The following PTPRD variants were observed in gnomAD, a reference collection of about 807,000 sequenced individuals.
The protein encoded by PTPRD is protein tyrosine phosphatase receptor type D.
PTPRD carries 34 observed loss-of-function variants against 214.5 expected under a neutral mutation model. The ratio of observed to expected loss-of-function variants is 0.16; its 90% CI spans 0.12 to 0.21. The LOEUF (loss-of-function observed/expected upper bound fraction) is 0.21. PTPRD is among the 10% of genes least tolerant of loss of function. The pLI is 1.00. For missense variants in PTPRD, 2,545 were observed against 2,398.7 expected (o/e 1.06, Z -1.27); for synonymous variants, 1,128 against 845.7 (o/e 1.33, Z -5.79).
intron 9 of PTPRD, among the ~76,000 whole-genome samples, chr9:9,265,374 C>G (rs1030625875): frequency 1.3e-5 from 2 of 151,502 alleles, no homozygotes; most frequent in Non-Finnish European, 3.0e-5. Context: ...TGATGCTGCC[C>G]TACTGAATAG....
rs556449091 is a variant in PTPRD at position 10,479,977 on chromosome 9, C to T, written c.-600+132421G>A. Among the ~76,000 whole-genome samples, 37 of 152,156 alleles carry T rather than the reference C, an allele frequency of 2.4e-4. No homozygotes were observed. In the South Asian group the frequency reaches 6.9e-3, roughly 28 times the overall value. The stretch of plus-strand genomic sequence containing the variant: ...TTTTTAAGAATCAAATTTTCTACCC[C>T]TAATAAAAAGGGAGAAGTCTGGAGG... On this transcript the variant is annotated intron_variant, in intron 2 of 45. Transcript: ENST00000381196.
chr9:10,015,123 T>C (rs2096675995), intron 4 of PTPRD, among the ~76,000 whole-genome samples: 1 of 152,154 alleles, frequency 6.6e-6, no homozygotes, highest in Non-Finnish European at 1.5e-5. Flanking sequence ...AATTTACTTT[T>C]ATGGCTTTCA....
chr9:8,463,335 GAT>G (rs1377654469), intron 32 of PTPRD, among the ~76,000 whole-genome samples: 3 of 87,646 alleles, frequency 3.4e-5, no homozygotes, highest in African/African-American at 1.3e-4. Context: ...AAAAAAAAAA[GAT>G]GTGTATGGTA....
chr9:9,336,994 T>A (rs1317911757), intron 9 of PTPRD, among the ~76,000 whole-genome samples: 3 of 152,148 alleles, frequency 2.0e-5, no homozygotes, highest in Non-Finnish European at 4.4e-5. Flanking sequence ...AGGGAAGACC[T>A]ATATAGGGAC....
chr9:10,069,904 A>C (rs181429866), intron 3 of PTPRD, among the ~76,000 whole-genome samples: 1 of 152,016 alleles, frequency 6.6e-6, no homozygotes, highest in Non-Finnish European at 1.5e-5. Flanking sequence ...AAGAGATCCT[A>C]TGTATTTGCT....
chr9:8,387,469 T>C (rs1201470744), intron 37 of PTPRD, among the ~76,000 whole-genome samples: 1 of 152,242 alleles, frequency 6.6e-6, no homozygotes, highest in Non-Finnish European at 1.5e-5. Flanking sequence ...AGTGTCAAGA[T>C]AAAATGTGTG....
intron 14 of PTPRD, among the ~76,000 whole-genome samples, chr9:8,543,130 TAA>T (rs1362291899): frequency 4.6e-5 from 7 of 152,164 alleles, no homozygotes; most frequent in African/African-American, 1.7e-4. Flanking sequence ...TAAATAGATA[TAA>T]GTTTCCAATG....
intron 35 of PTPRD, among the ~76,000 whole-genome samples, chr9:8,413,860 G>A (rs1306328977): frequency 3.9e-5 from 6 of 152,018 alleles, no homozygotes; most frequent in African/African-American, 7.2e-5. Flanking sequence ...ATTTTTAAAT[G>A]TATATTAGTT....
At chr9:8,383,315 G>C (rs1424535531) in intron 37 of PTPRD, among the ~76,000 whole-genome samples, 3 of 152,126 alleles carry the variant, frequency 2.0e-5, no homozygotes, top group Non-Finnish European at 4.4e-5. Flanking sequence ...ATAGGAGGAG[G>C]AGTGAGTGGT....
intron 3 of PTPRD, among the ~76,000 whole-genome samples, chr9:10,177,067 T>C (rs1282054825): frequency 6.6e-6 from 1 of 151,906 alleles, no homozygotes; most frequent in African/African-American, 2.4e-5. Context: ...ATTGAGTCCC[T>C]TCACAAATCT....
intron 9 of PTPRD, among the ~76,000 whole-genome samples, chr9:9,295,495 G>C (rs1186735531): frequency 6.6e-6 from 1 of 151,672 alleles, no homozygotes; most frequent in African/African-American, 2.4e-5. Flanking sequence ...CAGCTGTTTT[G>C]AAAGTACATG....
rs537547589 is a variant in PTPRD at position 10,460,055 on chromosome 9, G to A, written c.-599-119038C>T. ...TCAGAGAGTTTCGGAGATGGATGGC[G>A]GTGATGGTTACCCAACTTTGGAGCA... On this transcript the variant is annotated intron_variant, in intron 2 of 45. Coordinates refer to ENST00000381196, the MANE Select transcript of PTPRD (RefSeq NM_002839.4). Among the ~76,000 whole-genome samples the A allele has an allele frequency of 3.2e-4, 49 of 152,004 alleles. 1 individual carries two copies. The South Asian group carries it at 7.3e-3, about 23-fold the overall frequency.
intron 11 of PTPRD, among the ~76,000 whole-genome samples, chr9:8,850,869 T>G (rs1218376430): frequency 6.6e-6 from 1 of 152,220 alleles, no homozygotes; most frequent in African/African-American, 2.4e-5. Flanking sequence ...AAAATGTCCC[T>G]TTAGATGGGA....
chr9:9,723,736 T>G (rs10977931), intron 7 of PTPRD, among the ~76,000 whole-genome samples: 86,879 of 151,896 alleles, frequency 0.57, 26,784 homozygotes, highest in African/African-American at 0.78. Context: ...ACACCTCTTT[T>G]GTTAAGTTTA....
intron 11 of PTPRD, among the ~76,000 whole-genome samples, chr9:8,941,069 C>G (rs1310231950): frequency 6.6e-6 from 1 of 152,108 alleles, no homozygotes; most frequent in African/African-American, 2.4e-5. Context: ...AAACCCATCT[C>G]AAGAAATCAT....
At chr9:10,238,182 A>G (rs2099635317) in intron 3 of PTPRD, among the ~76,000 whole-genome samples, 1 of 138,838 alleles carries the variant, frequency 7.2e-6, no homozygotes, top group East Asian at 2.4e-4. Flanking sequence ...ACCTGCTCTA[A>G]AGGACAGGAA....
At chr9:9,513,945 G>A (rs547080866) in intron 8 of PTPRD, among the ~76,000 whole-genome samples, 1 of 152,126 alleles carries the variant, frequency 6.6e-6, no homozygotes, top group South Asian at 2.1e-4. Flanking sequence ...TGTTAAGATG[G>A]GAGCCAAGCT....
At chr9:9,157,682 C>G (rs7872327) in intron 10 of PTPRD, among the ~76,000 whole-genome samples, 1 of 152,206 alleles carries the variant, frequency 6.6e-6, no homozygotes, top group Non-Finnish European at 1.5e-5. Context: ...GAATTATAAC[C>G]AACATTTATT....
chr9:8,661,425 C>A (rs1596323569), intron 12 of PTPRD, among the ~76,000 whole-genome samples: 1 of 151,916 alleles, frequency 6.6e-6, no homozygotes, highest in Non-Finnish European at 1.5e-5. Flanking sequence ...CAAGGCAGTA[C>A]TATGCCTGAC....
Sources: gnomAD v4.1 joint callset for allele counts (sites outside exome capture counted in the v4.1 genomes callset) on GRCh38, gnomAD v4.1.1 for gene constraint, MANE v1.5 for transcripts, NCBI Gene and HGNC (gene_info 2026-07-23, HGNC 2026-07-21) for gene names.